Variants in LSAMP observed in about 807,000 individuals in gnomAD.
LSAMP encodes the protein limbic system-associated membrane protein.
In LSAMP, 7 loss-of-function variants were observed where a neutral mutation model predicts 38.6. The ratio of observed to expected loss-of-function variants is 0.18; its 90% CI spans 0.10 to 0.34. The LOEUF (loss-of-function observed/expected upper bound fraction) is 0.34. LSAMP is among the 10% of genes least tolerant of loss of function. The pLI is 1.00. For missense variants in LSAMP, 313 were observed against 420.0 expected, an observed-to-expected ratio of 0.75 and a Z score of 2.23; for synonymous variants, 154 against 166.8, an observed-to-expected ratio of 0.92 and a Z score of 0.59.
At chr3:115,853,777 C>T (rs1020796732) in intron 3 of LSAMP, among the ~76,000 whole-genome samples, 1 of 152,192 alleles carries the variant, frequency 6.6e-6, no homozygotes, top group African/African-American at 2.4e-5. Context: ...CAAAACTCCA[C>T]TGTTACACGA....
At chr3:116,355,521 G>T (rs2048211608) in intron 1 of LSAMP, among the ~76,000 whole-genome samples, 1 of 152,082 alleles carries the variant, frequency 6.6e-6, no homozygotes, top group African/African-American at 2.4e-5. Flanking sequence ...CACAACATTG[G>T]CTTGGGCAAA....
At chr3:116,004,556 A>G (rs976699247) in intron 3 of LSAMP, among the ~76,000 whole-genome samples, 1 of 140,200 alleles carries the variant, frequency 7.1e-6, no homozygotes, top group South Asian at 2.2e-4. Flanking sequence ...ACGTAGGTGC[A>G]TATATATATA....
chr3:116,337,925 G>T (rs184266103), intron 1 of LSAMP, among the ~76,000 whole-genome samples: 27 of 152,068 alleles, frequency 1.8e-4, no homozygotes, highest in Non-Finnish European at 2.9e-4. Flanking sequence ...TTATGATATA[G>T]GTTGTCTAAG....
chr3:116,098,447 C>T lies in LSAMP; in HGVS notation c.156-11891G>A, dbSNP rs147544564. ...CCAGGAGGCTGTGGTTGCAGTAAGC[C>T]AAGATTGCGCCATTGCAGCCTTGGC... On this transcript the variant is annotated intron_variant, in intron 1 of 6. Coordinates refer to ENST00000490035, the MANE Select transcript of LSAMP (RefSeq NM_002338.5). 8.3e-4 allele frequency among the ~76,000 whole-genome samples: 126 copies of T among 152,218 alleles called. 2 individuals are homozygous for T. Among genetic ancestry groups the T allele is most frequent in the African/African-American group, 2.9e-3 (119 of 41,554 alleles).
intron 3 of LSAMP, among the ~76,000 whole-genome samples, chr3:115,858,519 A>G (rs1292693011): frequency 1.3e-5 from 2 of 152,124 alleles, no homozygotes; most frequent in Non-Finnish European, 2.9e-5. Context: ...CTGTTCTGAG[A>G]AGACTTTTAT....
At chr3:116,356,453 G>A (rs1024719353) in intron 1 of LSAMP, among the ~76,000 whole-genome samples, 1 of 152,122 alleles carries the variant, frequency 6.6e-6, no homozygotes, top group Non-Finnish European at 1.5e-5. Flanking sequence ...GGGAGTGGGT[G>A]GTGGGAAATG....
At chr3:115,862,493 C>G (rs968959690) in intron 3 of LSAMP, among the ~76,000 whole-genome samples, 2 of 152,204 alleles carry the variant, frequency 1.3e-5, no homozygotes, top group African/African-American at 4.8e-5. Context: ...AATCCCAGAT[C>G]TACTTCTTCA....
chr3:116,090,531 C>A (rs1708098068), intron 1 of LSAMP, among the ~76,000 whole-genome samples: 1 of 152,172 alleles, frequency 6.6e-6, no homozygotes, highest in Non-Finnish European at 1.5e-5. Context: ...TATCACCTAC[C>A]TAGAATGTTG....
Position 116,209,833 on chromosome 3 carries a change from C to G in LSAMP, c.156-123277G>C, listed in dbSNP as rs112403697. On this transcript the variant is annotated intron_variant, in intron 1 of 6. Transcript: ENST00000490035. ...GTGGCACGATCTCCGCTCACTGCAA[C>G]CTCCGCCACCCGGGTTGACGCCGTT... 4.3e-3 allele frequency among the ~76,000 whole-genome samples: 661 copies of G among 152,246 alleles called. 7 individuals are homozygous for G. Among genetic ancestry groups the G allele is most frequent in the African/African-American group, 0.015 (623 of 41,548 alleles).
At chr3:116,220,387 AC>A (rs2046269038) in intron 1 of LSAMP, among the ~76,000 whole-genome samples, 1 of 151,980 alleles carries the variant, frequency 6.6e-6, no homozygotes, top group African/African-American at 2.4e-5. Flanking sequence ...ACACACACAC[AC>A]ACACACAAAA....
At chr3:116,144,000 G>A (rs768312100) in intron 1 of LSAMP, among the ~76,000 whole-genome samples, 1 of 152,030 alleles carries the variant, frequency 6.6e-6, no homozygotes, top group Middle Eastern at 3.4e-3. Context: ...AATATTCCAA[G>A]TTTTTGATGA....
At chr3:116,000,520 G>GC (rs1289329014) in intron 3 of LSAMP, among the ~76,000 whole-genome samples, 2 of 152,152 alleles carry the variant, frequency 1.3e-5, no homozygotes, top group African/African-American at 4.8e-5. Context: ...GTGTGGGAAA[G>GC]CACCTGGTAC....
chr3:115,874,232 C>T (rs1936124255), intron 3 of LSAMP, among the ~76,000 whole-genome samples: 2 of 152,066 alleles, frequency 1.3e-5, no homozygotes, highest in Admixed American at 6.6e-5. Flanking sequence ...AAAAGACATT[C>T]CTTTCTCTTT....
intron 1 of LSAMP, among the ~76,000 whole-genome samples, chr3:116,235,441 C>A (rs1381072): frequency 0.99 from 150,095 of 152,086 alleles, 74,107 homozygotes; most frequent in Middle Eastern, 1. Flanking sequence ...AATTACGCAT[C>A]CTCATGCATG....
At chr3:116,347,376 C>A (rs1201624069) in intron 1 of LSAMP, among the ~76,000 whole-genome samples, 1 of 152,080 alleles carries the variant, frequency 6.6e-6, no homozygotes, top group Non-Finnish European at 1.5e-5. Flanking sequence ...TGGCTCTCAC[C>A]AGACTTACAG....
chr3:116,093,746 A>G (rs905122985), intron 1 of LSAMP, among the ~76,000 whole-genome samples: 31 of 152,168 alleles, frequency 2.0e-4, no homozygotes, highest in Admixed American at 2.0e-3. Context: ...TATTTTTCAC[A>G]TTTGTGAATC....
At chr3:116,175,460 G>A (rs1710315025) in intron 1 of LSAMP, among the ~76,000 whole-genome samples, 1 of 151,812 alleles carries the variant, frequency 6.6e-6, no homozygotes, top group Admixed American at 6.6e-5. Flanking sequence ...GTCCTACAAT[G>A]GTATAGAACA....
intron 1 of LSAMP, among the ~76,000 whole-genome samples, chr3:116,392,961 C>G (rs534958932): frequency 1.6e-4 from 25 of 152,244 alleles, no homozygotes; most frequent in African/African-American, 5.8e-4. Context: ...GAGCTGGACA[C>G]TTGATGGGAC....
chr3:115,928,657 A>G (rs1559884585), intron 3 of LSAMP, among the ~76,000 whole-genome samples: 1 of 151,290 alleles, frequency 6.6e-6, no homozygotes, highest in Non-Finnish European at 1.5e-5. Context: ...GGCAGGAAAG[A>G]CTGCAGAGTC....
Sources: gnomAD v4.1 joint callset for allele counts (sites outside exome capture counted in the v4.1 genomes callset) on GRCh38, gnomAD v4.1.1 for gene constraint, MANE v1.5 for transcripts, NCBI Gene and HGNC (gene_info 2026-07-23, HGNC 2026-07-21) for gene names.